Variants in PKM observed in about 807,000 individuals in gnomAD.
PKM encodes pyruvate kinase M1/2.
In PKM, 18 loss-of-function variants were observed where a neutral mutation model predicts 49.8. The observed-to-expected ratio is 0.36, with a 90% CI of 0.25 to 0.54. PKM has a LOEUF of 0.54. PKM is among the 20% of genes least tolerant of loss of function. The pLI is 0.89. For synonymous variants in PKM, 239 were observed against 261.8 expected (o/e 0.91, Z 0.84); for missense variants, 508 against 713.8 (o/e 0.71, Z 3.28).
intron 3 of PKM, 80 bp downstream of exon 3, chr15:72,217,329 C>G: frequency 1.2e-6 from 1 of 851,848 alleles, no homozygotes; most frequent in Non-Finnish European, 2.0e-6. Flanking sequence ...GTCTAGTCCA[C>G]TGTGGCTAAA....
chr15:72,220,197 G>A (rs2082486816), intron 1 of PKM, among the ~76,000 whole-genome samples: 1 of 152,164 alleles, frequency 6.6e-6, no homozygotes, highest in Admixed American at 6.5e-5. Flanking sequence ...CTGTTTCCTT[G>A]AGTTCTCAGA....
chr15:72,213,555 C>T (rs534406286), intron 3 of PKM, among the ~76,000 whole-genome samples: 4 of 152,154 alleles, frequency 2.6e-5, no homozygotes, highest in South Asian at 2.1e-4. Context: ...CTCAGGCTCC[C>T]GAGTAGCTGG....
chr15:72,210,276 C>T (rs2082216039), intron 4 of PKM, 71 bp downstream of exon 4: 9 of 1,533,308 alleles, frequency 5.9e-6, no homozygotes, highest in African/African-American at 1.4e-5. Context: ...GGCAACCCAG[C>T]GCTTTGGAGG....
intron 1 of PKM, among the ~76,000 whole-genome samples, chr15:72,225,256 A>G (rs2140798629): frequency 6.6e-6 from 1 of 151,958 alleles, no homozygotes; most frequent in East Asian, 1.9e-4. Context: ...TCTAAAAACA[A>G]AAACAAGAAT....
intron 1 of PKM, among the ~76,000 whole-genome samples, chr15:72,220,573 G>A (rs567337202): frequency 2.6e-5 from 4 of 152,252 alleles, no homozygotes; most frequent in Admixed American, 6.5e-5. Flanking sequence ...ACCGGCTAAC[G>A]GTTCAACATG....
intron 1 of PKM, among the ~76,000 whole-genome samples, chr15:72,226,501 G>A (rs910873348): frequency 1.3e-5 from 2 of 152,186 alleles, no homozygotes; most frequent in Non-Finnish European, 2.9e-5. Flanking sequence ...CTGCACTCCA[G>A]CCTGGGTCAT....
rs11855870 is a variant in PKM at position 72,199,707 on chromosome 15, G to C, written c.1539C>G (p.Thr513=). 3 of 1,613,926 alleles carry C rather than the reference G, an allele frequency of 1.9e-6. No homozygotes were observed. The Admixed American group carries it at 5.0e-5, about 27-fold the overall frequency. ...FKKGDVVIVL[T]GWRPGSGFTN... is the part of the protein sequence containing the mutation. Reference sequence around the variant, plus strand: ...TGAAGCCGGAGCCAGGGCGCCATCCGGTCAGCACAATGACCACATCTCCCT... The same window carrying C: ...TGAAGCCGGAGCCAGGGCGCCATCCCGTCAGCACAATGACCACATCTCCCT... The change falls in exon 11 of 11, where the codon ACC becomes ACG. Residue 513 remains threonine (T), a synonymous_variant. Transcript: ENST00000335181.
At position 72,207,151 on chromosome 15, in the gene PKM, C is replaced by T. The variant is rs1238260547; in HGVS notation, c.963G>A (p.Gly321=). 1 of 1,613,910 alleles carries T rather than the reference C, an allele frequency of 6.2e-7. No homozygotes were observed. Residue 321 remains glycine, a synonymous_variant, in exon 7 of 11, where the codon GGG becomes GGA. Coordinates refer to ENST00000335181, the MANE Select transcript of PKM (RefSeq NM_002654.6). The stretch of plus-strand genomic sequence containing the variant: ...CCTGAGTAGCACAGATGACAGGCTT[C>T]CCAGCTCGGTTGCACCGTCCAATCA... ...KMMIGRCNRA[G]KPVICATQML...
At chr15:72,227,847 A>T (rs8192360) in intron 1 of PKM, among the ~76,000 whole-genome samples, 3,614 of 149,088 alleles carry the variant, frequency 0.024, 143 homozygotes, top group African/African-American at 0.086. Flanking sequence ...ATTTTCTTCT[A>T]CCTTCCTGCC....
intron 1 of PKM, chr15:72,229,565 G>T (rs2082785297): frequency 7.8e-7 from 1 of 1,287,880 alleles, no homozygotes; most frequent in South Asian, 1.2e-5. Flanking sequence ...GTCTTTAAAT[G>T]ATCTTCAGAC....
At chr15:72,206,356 C>A in intron 8 of PKM, 1 of 272,174 alleles carries the variant, frequency 3.7e-6, no homozygotes, top group Non-Finnish European at 7.2e-6. Context: ...GGCAAAGGTA[C>A]TCAGAACTTC....
Position 72,202,884 on chromosome 15 carries a change from G to T in PKM, c.1141-264C>A. 6.4e-6 allele frequency: 6 copies of T among 934,628 alleles called. No homozygotes were observed. Among genetic ancestry groups the T allele is most frequent in the Non-Finnish European group, 1.0e-5 (6 of 583,328 alleles). The allele number at this position is 934,628 out of a possible 1,614,324, so 57.9% of individuals were successfully genotyped here. ...GGACCCTTTGGTCCTGCCCTGCCAT[G>T]ACCTCCCTGGCGGTGTTCCTACAGA... is the stretch of plus-strand genomic sequence containing the variant. On this transcript the variant is annotated intron_variant, in intron 8 of 10. Transcript: ENST00000335181. This position sits in a 1 kb window ranked among gnomAD's most constrained non-coding sequence, Gnocchi z 4.5.
At chr15:72,226,372 C>CA (rs8192378) in intron 1 of PKM, among the ~76,000 whole-genome samples, 8,180 of 151,492 alleles carry the variant, frequency 0.054, 749 homozygotes, top group African/African-American at 0.19. Context: ...CTAAAAAATA[C>CA]AAAAAAAATC....
chr15:72,209,056 G>T, intron 5 of PKM, 165 bp from the exon 6 acceptor site: 1 of 729,832 alleles, frequency 1.4e-6, no homozygotes, highest in Non-Finnish European at 2.4e-6. Flanking sequence ...TCCTGGGCAA[G>T]CCATTTAACC....
chr15:72,229,954 A>G (rs2082803347), intron 1 of PKM, among the ~76,000 whole-genome samples: 1 of 151,886 alleles, frequency 6.6e-6, no homozygotes, highest in Non-Finnish European at 1.5e-5. Context: ...AAAGAAAGAA[A>G]CGTGCCGGAG....
Position 72,208,900 on chromosome 15 carries a change from A to C in PKM, c.566-9T>G. The C allele has an allele frequency of 6.2e-7, 1 of 1,613,014 alleles. No individual in the cohort carries two copies. Among genetic ancestry groups the C allele is most frequent in the East Asian group, 2.2e-5 (1 of 44,854 alleles). On this transcript the variant is annotated splice_polypyrimidine_tract_variant and intron_variant, in intron 5 of 10. Transcript: ENST00000335181. ...CACCAGGAAGTCGGCACCTGTATGA[A>C]AAAGGGTAAGTAGGGGAGGCAGAGC...
Position 72,200,639 on chromosome 15 carries a change from C to T in PKM, c.1324G>A (p.Ala442Thr). ...ATGGGGGCACGTGGGCGGTATCTGG[C>T]CACCTGGTGAGCAGACCTGAGATGG... ...TKSGRSAHQVARYRPRAPIIA... is the reference protein window; with the variant it reads ...TKSGRSAHQVTRYRPRAPIIA... The change falls in exon 10 of 11, where the codon GCC (alanine) becomes ACC (threonine). Residue 442 changes from alanine to threonine, a missense_variant. Coordinates refer to ENST00000335181, the MANE Select transcript of PKM (RefSeq NM_002654.6). The surrounding 1 kb of genome is among the most constrained non-coding windows in gnomAD (Gnocchi z 4.6). 1 of 1,612,664 alleles carries T rather than the reference C, an allele frequency of 6.2e-7. No individual in the cohort carries two copies. The highest frequency in any genetic ancestry group is 8.5e-7 in the Non-Finnish European group (1 of 1,179,024).
At chr15:72,211,877 G>A (rs1411586790) in intron 3 of PKM, among the ~76,000 whole-genome samples, 1 of 151,276 alleles carries the variant, frequency 6.6e-6, no homozygotes, top group Non-Finnish European at 1.5e-5. Flanking sequence ...TCATCAATAA[G>A]ACATTAGCGG....
chr15:72,203,310 G>T, intron 8 of PKM: 1 of 872,382 alleles, frequency 1.1e-6, no homozygotes, highest in Non-Finnish European at 1.9e-6. Flanking sequence ...TAGGTTAATT[G>T]GCTAAATCTG....
Sources: allele counts gnomAD v4.1 joint callset (sites outside exome capture counted in the v4.1 genomes callset), GRCh38; gene constraint gnomAD v4.1.1; non-coding constraint Gnocchi (gnomAD v3.1); transcripts MANE v1.5; gene names NCBI Gene and HGNC (gene_info 2026-07-23, HGNC 2026-07-21).